TENM3: variants seen among roughly 807,000 people sequenced by gnomAD.
TENM3 encodes the protein teneurin-3.
TENM3 carries 63 observed loss-of-function variants against 255.1 expected under a neutral mutation model. The observed-to-expected ratio is 0.25, with a 90% CI of 0.20 to 0.30. The LOEUF (loss-of-function observed/expected upper bound fraction) is 0.30, where lower values mean the gene tolerates loss of function less well. Ranked by LOEUF, TENM3 falls within the 10% of genes least tolerant of loss-of-function variation. The pLI is 1.00. For missense variants in TENM3, 2,929 were observed against 3,461.1 expected (o/e 0.85, Z 3.86); for synonymous variants, 1,306 against 1,322.3 (o/e 0.99, Z 0.27).
chr4:182,077,837 A>C, the TENM3 span, among the ~76,000 whole-genome samples: 1 of 152,072 alleles, frequency 6.6e-6, no homozygotes, highest in East Asian at 1.9e-4. Context: ...CCTGGGTGGG[A>C]GGGGGCGTGG....
At chr4:181,770,426 G>A in the TENM3 span, among the ~76,000 whole-genome samples, 1 of 152,114 alleles carries the variant, frequency 6.6e-6, no homozygotes. Flanking sequence ...TGTAATCCCA[G>A]CACTTTGGGA....
At chr4:181,851,709 C>A in the TENM3 span, among the ~76,000 whole-genome samples, 2 of 152,156 alleles carry the variant, frequency 1.3e-5, no homozygotes, top group African/African-American at 4.8e-5. Context: ...AAAGAATAAG[C>A]ATACAAGCAT....
chr4:181,898,407 C>G, the TENM3 span, among the ~76,000 whole-genome samples: 2 of 152,050 alleles, frequency 1.3e-5, no homozygotes, highest in Admixed American at 1.3e-4. Flanking sequence ...TATCTAAAGC[C>G]TGTTCCTGGT....
upstream of TENM3, among the ~76,000 whole-genome samples, chr4:182,242,359 T>A (rs1319467898): frequency 6.6e-6 from 1 of 152,152 alleles, no homozygotes; most frequent in Non-Finnish European, 1.5e-5. Flanking sequence ...GTTTCCAGCT[T>A]CATCCACATC....
chr4:181,973,385 G>GA, the TENM3 span, among the ~76,000 whole-genome samples: 1 of 152,026 alleles, frequency 6.6e-6, no homozygotes, highest in East Asian at 1.9e-4. Flanking sequence ...CTGACAAGCA[G>GA]AAAAAAAGGA....
the TENM3 span, among the ~76,000 whole-genome samples, chr4:181,545,463 G>A: frequency 6.6e-6 from 1 of 152,114 alleles, no homozygotes; most frequent in Non-Finnish European, 1.5e-5. Context: ...CCTTAATTAG[G>A]AGATTAAAGG....
chr4:181,886,488 A>T, the TENM3 span, among the ~76,000 whole-genome samples: 1 of 152,240 alleles, frequency 6.6e-6, no homozygotes, highest in Admixed American at 6.5e-5. Context: ...GAAAATCATT[A>T]ATTAAATAAC....
chr4:181,846,655 G>T, the TENM3 span, among the ~76,000 whole-genome samples: 1 of 152,084 alleles, frequency 6.6e-6, no homozygotes, highest in East Asian at 1.9e-4. Context: ...TTATTTTAAA[G>T]TAATGGTTCT....
At chr4:182,765,257 G>A (rs1763601597) in intron 22 of TENM3, among the ~76,000 whole-genome samples, 1 of 152,152 alleles carries the variant, frequency 6.6e-6, no homozygotes, top group Non-Finnish European at 1.5e-5. Context: ...AGAAGATCTG[G>A]TGACAAGTGG....
chr4:181,646,839 C>T, the TENM3 span, among the ~76,000 whole-genome samples: 1 of 151,766 alleles, frequency 6.6e-6, no homozygotes, highest in Non-Finnish European at 1.5e-5. Flanking sequence ...GCATCAGTGA[C>T]AAAAAAAGAT....
At chr4:182,745,665 C>T (rs568045659) in intron 19 of TENM3, among the ~76,000 whole-genome samples, 8 of 152,248 alleles carry the variant, frequency 5.3e-5, no homozygotes, top group African/African-American at 1.7e-4. Flanking sequence ...TTAAACCACT[C>T]TAAAAATATG....
At chr4:182,796,857 C>T in intron 27 of TENM3, 90 bp downstream of exon 27, 3 of 1,013,294 alleles carry the variant, frequency 3.0e-6, no homozygotes, top group Admixed American at 3.4e-5. Flanking sequence ...GAAAACTGTA[C>T]CAAAGACAGT....
chr4:182,478,326 T>G (rs1021131243), intron 3 of TENM3, among the ~76,000 whole-genome samples: 5 of 152,104 alleles, frequency 3.3e-5, no homozygotes, highest in African/African-American at 9.7e-5. Context: ...TTTTGAAATA[T>G]TAGTGCCATT....
At chr4:181,471,152 A>T in the TENM3 span, among the ~76,000 whole-genome samples, 1 of 152,136 alleles carries the variant, frequency 6.6e-6, no homozygotes, top group African/African-American at 2.4e-5. Flanking sequence ...AGAGAACTTC[A>T]AGTATTGCAT....
At chr4:181,859,314 C>T in the TENM3 span, among the ~76,000 whole-genome samples, 1 of 147,934 alleles carries the variant, frequency 6.8e-6, no homozygotes, top group African/African-American at 2.5e-5. Context: ...GATATGATAG[C>T]TTTTATCAAG....
intron 5 of TENM3, among the ~76,000 whole-genome samples, chr4:182,630,737 T>TTTTA (rs1308433318): frequency 6.7e-6 from 1 of 148,972 alleles, no homozygotes; most frequent in African/African-American, 2.4e-5. Flanking sequence ...TTGTTGGGGA[T>TTTTA]TTTATTTATT....
chr4:181,605,586 AAAGAAAG>A, the TENM3 span, among the ~76,000 whole-genome samples: 1 of 39,010 alleles, frequency 2.6e-5, no homozygotes, highest in African/African-American at 7.8e-5. Context: ...GAAAGAAAGG[AAAGAAAG>A]AAAGAAAGAA....
At chr4:182,252,963 C>G (rs1271703490) in intron 1 of TENM3, among the ~76,000 whole-genome samples, 1 of 152,290 alleles carries the variant, frequency 6.6e-6, no homozygotes, top group East Asian at 1.9e-4. Flanking sequence ...ACCCAGGCCT[C>G]TCTGTATCAA....
intron 1 of TENM3, among the ~76,000 whole-genome samples, chr4:182,213,946 C>CGCCCGCCACCTGTA (rs999327130): frequency 5.3e-5 from 8 of 151,996 alleles, no homozygotes; most frequent in Non-Finnish European, 1.2e-4. Flanking sequence ...GGACTACAGG[C>CGCCCGCCACCTGTA]GCCCGCCACC....
Sources: allele counts gnomAD v4.1 joint callset (sites outside exome capture counted in the v4.1 genomes callset), GRCh38; gene constraint gnomAD v4.1.1; transcripts MANE v1.5; gene names NCBI Gene and HGNC (gene_info 2026-07-23, HGNC 2026-07-21).